The following POLDIP3 variants were observed in gnomAD, a reference collection of about 807,000 sequenced individuals.
POLDIP3 encodes the protein polymerase delta-interacting protein 3.
A neutral mutation model predicts 45.1 loss-of-function variants in POLDIP3; 14 were observed. The observed-to-expected ratio is 0.31, with a 90% CI of 0.20 to 0.49. POLDIP3 has a LOEUF of 0.49. Ranked by LOEUF, POLDIP3 falls within the 20% of genes least tolerant of loss-of-function variation. The pLI is 0.99. For synonymous variants in POLDIP3, 223 were observed against 205.2 expected, an observed-to-expected ratio of 1.09 and a Z score of -0.74; for missense variants, 511 against 538.8, an observed-to-expected ratio of 0.95 and a Z score of 0.51.
At chr22:42,587,652 T>C in intron 7 of POLDIP3, 80 bp from the exon 8 acceptor site, 1 of 1,358,904 alleles carries the variant, frequency 7.4e-7, no homozygotes, top group Non-Finnish European at 1.1e-6. Flanking sequence ...GTACCTCCAT[T>C]ATCAATGGTC....
chr22:42,604,445 C>T (rs938707557), intron 1 of POLDIP3, among the ~76,000 whole-genome samples: 3 of 152,156 alleles, frequency 2.0e-5, no homozygotes, highest in Non-Finnish European at 4.4e-5. Flanking sequence ...TGGGGCGAGG[C>T]CTGGCCATCT....
chr22:42,614,683 G>T lies in POLDIP3; in HGVS notation c.59+116C>A. The T allele has an allele frequency of 2.6e-6, 3 of 1,163,014 alleles. No individual in the cohort carries two copies. The South Asian group carries it at 3.8e-5, about 15-fold the overall frequency. The allele number at this position is 1,163,014 out of a possible 1,614,324, so 72.0% of individuals were successfully genotyped here. A position where few individuals can be genotyped will look rare whatever the true frequency, so the allele number is the denominator to read the frequency against. On this transcript the variant is annotated intron_variant, in intron 1 of 8. Transcript: ENST00000252115. ...CAGCCGGCCAATGAGGAGCGCGGCT[G>T]TGGTCGGGGGCGGGCGCACCCGGTC...
chr22:42,598,531 G>GT (rs1926145340), intron 4 of POLDIP3, among the ~76,000 whole-genome samples: 1 of 152,096 alleles, frequency 6.6e-6, no homozygotes. Flanking sequence ...GATTACAGGC[G>GT]TGAGCCACCA....
chr22:42,592,334 G>A (rs932681052), intron 6 of POLDIP3, among the ~76,000 whole-genome samples: 1 of 152,236 alleles, frequency 6.6e-6, no homozygotes, highest in Non-Finnish European at 1.5e-5. Flanking sequence ...CTCCCAGCAA[G>A]CCACCACCAA....
chr22:42,607,520 C>G (rs1288376969), intron 1 of POLDIP3, among the ~76,000 whole-genome samples: 1 of 152,248 alleles, frequency 6.6e-6, no homozygotes, highest in Non-Finnish European at 1.5e-5. Flanking sequence ...AGCCTCTGCC[C>G]GGCTGCCACC....
At chr22:42,613,779 A>G (rs1050648859) in intron 1 of POLDIP3, among the ~76,000 whole-genome samples, 3 of 152,170 alleles carry the variant, frequency 2.0e-5, no homozygotes, top group African/African-American at 7.2e-5. Context: ...CATAAAAATA[A>G]AAATAAACAT....
chr22:42,599,628 T>G, intron 4 of POLDIP3, 70 bp downstream of exon 4: 1 of 1,164,360 alleles, frequency 8.6e-7, no homozygotes, highest in Non-Finnish European at 1.3e-6. Flanking sequence ...AAACAACAGG[T>G]TCTATTCAAC....
chr22:42,613,425 A>G (rs1253633527), intron 1 of POLDIP3, among the ~76,000 whole-genome samples: 2 of 152,202 alleles, frequency 1.3e-5, no homozygotes, highest in Non-Finnish European at 2.9e-5. Context: ...TCAGACATCA[A>G]GAGAAAAACC....
At chr22:42,590,212 T>A (rs1925579903) in intron 7 of POLDIP3, among the ~76,000 whole-genome samples, 1 of 152,186 alleles carries the variant, frequency 6.6e-6, no homozygotes. Flanking sequence ...CAGTCATGTA[T>A]CATTTAACCA....
intron 1 of POLDIP3, among the ~76,000 whole-genome samples, chr22:42,614,563 T>C (rs867362796): frequency 6.6e-6 from 1 of 152,052 alleles, no homozygotes. Context: ...GGCGGCACCC[T>C]GTCCCCGCCG....
intron 4 of POLDIP3, among the ~76,000 whole-genome samples, 172 bp from the exon 5 acceptor site, chr22:42,596,537 G>A (rs745501113): frequency 4.6e-5 from 7 of 152,106 alleles, no homozygotes; most frequent in South Asian, 2.1e-4. Flanking sequence ...CATCCCATAG[G>A]GAAGGGGCAG....
intron 1 of POLDIP3, among the ~76,000 whole-genome samples, chr22:42,613,392 G>A (rs1210815134): frequency 6.6e-6 from 1 of 152,212 alleles, no homozygotes; most frequent in Non-Finnish European, 1.5e-5. Flanking sequence ...GTCCAGGATG[G>A]GGAAGGAGGT....
chr22:42,603,116 C>G lies in POLDIP3; in HGVS notation c.104G>C (p.Gly35Ala). 2 of 1,614,048 alleles carry G rather than the reference C, an allele frequency of 1.2e-6. No individual in the cohort carries two copies. The highest frequency in any genetic ancestry group is 1.7e-6 in the Non-Finnish European group (2 of 1,180,006). Residue 35 changes from glycine (G) to alanine (A), a missense_variant, in exon 2 of 9, where the codon GGG becomes GCG. Gly to Ala is a moderately conservative substitution (Grantham distance 60). Coordinates refer to ENST00000252115, the MANE Select transcript of POLDIP3 (RefSeq NM_032311.5). Reference protein sequence around the residue: ...PGVGGVRSRVGIQQGLLSQST... With the variant: ...PGVGGVRSRVAIQQGLLSQST... The stretch of plus-strand genomic sequence containing the variant: ...CTGGCTGAGAAGGCCTTGCTGGATC[C>G]CAACTCGAGATCGGACACCTCCAAC...
intron 1 of POLDIP3, among the ~76,000 whole-genome samples, chr22:42,605,465 C>G (rs1483611706): frequency 1.3e-5 from 2 of 152,206 alleles, no homozygotes; most frequent in African/African-American, 4.8e-5. Flanking sequence ...AGGGTATTTT[C>G]TTATAGTAGC....
At chr22:42,607,794 A>G (rs1287497808) in intron 1 of POLDIP3, among the ~76,000 whole-genome samples, 7 of 124,994 alleles carry the variant, frequency 5.6e-5, no homozygotes, top group South Asian at 2.8e-4. Context: ...TCTCTGCCCG[A>G]CCGCCACCCC....
intron 8 of POLDIP3, among the ~76,000 whole-genome samples, chr22:42,586,276 T>A (rs991180313): frequency 2.0e-5 from 3 of 152,106 alleles, no homozygotes; most frequent in Non-Finnish European, 2.9e-5. Context: ...AGGCTGTGTT[T>A]TTCTTATTTA....
chr22:42,591,226 T>C (rs891766652), intron 7 of POLDIP3, among the ~76,000 whole-genome samples: 1 of 151,888 alleles, frequency 6.6e-6, no homozygotes, highest in Non-Finnish European at 1.5e-5. Context: ...TTTAATGACA[T>C]ACAAATGGCC....
In POLDIP3 at chr22:42,585,986, G is replaced by A. The variant is rs757078187; in HGVS notation, c.1089-18C>T. On this transcript the variant is annotated intron_variant, in intron 8 of 8. Coordinates refer to ENST00000252115, the MANE Select transcript of POLDIP3 (RefSeq NM_032311.5). ...TCAGCCGCCTGTGGAGAGCAGAGAA[G>A]AGTCAAAAATTCTTGTCAGTTTTTC... The A allele has an allele frequency of 6.3e-7, 1 of 1,581,656 alleles. No individual in the cohort carries two copies. Among genetic ancestry groups the A allele is most frequent in the Non-Finnish European group, 8.6e-7 (1 of 1,164,358 alleles).
chr22:42,591,190 CAG>C (rs771199891), intron 7 of POLDIP3, among the ~76,000 whole-genome samples: 20 of 151,350 alleles, frequency 1.3e-4, no homozygotes, highest in Non-Finnish European at 2.5e-4. Flanking sequence ...AAAAAAAGAA[CAG>C]AAATTCAAAA....
Sources: gnomAD v4.1 joint callset for allele counts (sites outside exome capture counted in the v4.1 genomes callset) on GRCh38, gnomAD v4.1.1 for gene constraint, MANE v1.5 for transcripts, NCBI Gene and HGNC (gene_info 2026-07-23, HGNC 2026-07-21) for gene names.